ANKUB1: variants seen among roughly 807,000 people sequenced by gnomAD.
ANKUB1 encodes the protein ankyrin repeat and ubiquitin domain containing 1.
In ANKUB1, 42 loss-of-function variants were observed where a neutral mutation model predicts 49.3. That is an observed-to-expected ratio of 0.85 (90% CI 0.67 to 1.10). The LOEUF (loss-of-function observed/expected upper bound fraction) is 1.10. ANKUB1 is among the 50% of genes least tolerant of loss of function. The probability of loss-of-function intolerance (pLI) is 0.00; values close to 1 mark genes in which losing one functional copy is unlikely to be tolerated. For missense variants in ANKUB1, 613 were observed against 642.0 expected (o/e 0.95, Z 0.49); for synonymous variants, 222 against 231.0 (o/e 0.96, Z 0.35).
intron 2 of ANKUB1, among the ~76,000 whole-genome samples, chr3:149,782,091 A>G (rs1717894908): frequency 6.6e-6 from 1 of 152,212 alleles, no homozygotes; most frequent in Non-Finnish European, 1.5e-5. Context: ...GATAGTGGGA[A>G]AGAGAGAAAA....
chr3:149,784,489 A>G (rs922017716), intron 2 of ANKUB1, among the ~76,000 whole-genome samples: 19 of 152,300 alleles, frequency 1.2e-4, no homozygotes, highest in African/African-American at 4.3e-4. Context: ...GCCTGGCAGC[A>G]GGGCTGGCAG....
intron 5 of ANKUB1, chr3:149,766,834 G>T (rs1481438469): frequency 1.3e-6 from 1 of 743,896 alleles, no homozygotes; most frequent in African/African-American, 3.2e-5. Flanking sequence ...AGCAGCAGCA[G>T]CAGCAGCAGC....
intron 5 of ANKUB1, among the ~76,000 whole-genome samples, chr3:149,762,896 A>G (rs767915266): frequency 6.6e-6 from 1 of 152,102 alleles, no homozygotes; most frequent in Non-Finnish European, 1.5e-5. Context: ...TGAAAATTCA[A>G]TTTCTTGCTT....
At position 149,780,326 on chromosome 3, in the gene ANKUB1, G is replaced by A; in HGVS notation, c.364C>T (p.Leu122Phe). ...CGGAGACAGTAGACACTCACGGGGA[G>A]GCCACATCTCAGAGTTACCAGTGTT... ...LRTLVTLRCG[L>F]PVSVYCLRTP... The change falls in exon 3 of 6, where the codon CTC becomes TTC. Residue 122 changes from leucine (L) to phenylalanine (F), a missense_variant. Coordinates refer to ENST00000446160, the MANE Select transcript of ANKUB1 (RefSeq NM_001144960.3). 7 of 1,551,806 alleles carry A rather than the reference G, an allele frequency of 4.5e-6. No homozygotes were observed. The highest frequency in any genetic ancestry group is 6.1e-6 in the Non-Finnish European group (7 of 1,147,012).
intron 3 of ANKUB1, among the ~76,000 whole-genome samples, chr3:149,778,075 C>G (rs1553743290): frequency 6.6e-6 from 1 of 152,154 alleles, no homozygotes; most frequent in Non-Finnish European, 1.5e-5. Flanking sequence ...ATCAAGGACT[C>G]TTTTTACCTT....
At chr3:149,774,030 G>A (rs1408714331) in intron 3 of ANKUB1, among the ~76,000 whole-genome samples, 2 of 152,158 alleles carry the variant, frequency 1.3e-5, no homozygotes, top group African/African-American at 4.8e-5. Context: ...GTAACTCAGA[G>A]GGTTGGTAGG....
At chr3:149,770,104 T>C (rs950749582) in intron 4 of ANKUB1, among the ~76,000 whole-genome samples, 23 of 152,230 alleles carry the variant, frequency 1.5e-4, no homozygotes, top group African/African-American at 5.3e-4. Context: ...CCTTATGATT[T>C]TCTTAATATT....
At chr3:149,774,419 C>T (rs1240395447) in intron 3 of ANKUB1, among the ~76,000 whole-genome samples, 1 of 152,194 alleles carries the variant, frequency 6.6e-6, no homozygotes, top group East Asian at 1.9e-4. Flanking sequence ...TATTCCAGGC[C>T]TTCCACCAGA....
chr3:149,767,042 A>G, intron 5 of ANKUB1, 115 bp downstream of exon 5: 1 of 1,117,468 alleles, frequency 8.9e-7, no homozygotes, highest in Non-Finnish European at 1.3e-6. Context: ...GTATTGATGC[A>G]CTGGAACAAC....
Position 149,767,533 on chromosome 3 carries a change from G to T in ANKUB1, c.1129C>A (p.Leu377Ile), listed in dbSNP as rs1473625392. The change falls in exon 5 of 6, where the codon CTA becomes ATA. Residue 377 changes from leucine (L) to isoleucine (I), a missense_variant. By Grantham distance (5) the Leu-to-Ile change is conservative (BLOSUM62 2). Transcript: ENST00000446160. Reference protein sequence around the residue: ...NSDSQSIVLKLPSLSKQTASS... With the variant: ...NSDSQSIVLKIPSLSKQTASS... ...GCAGTTTGTTTGCTGAGAGATGGTA[G>T]CTTGAGCACGATGCTTTGTGAGTCG... The T allele has an allele frequency of 6.4e-7, 1 of 1,551,662 alleles. No homozygotes were observed. The highest frequency in any genetic ancestry group is 2.0e-5 in the Admixed American group (1 of 51,002).
chr3:149,779,137 T>A (rs1317421393), intron 3 of ANKUB1: 2 of 152,138 alleles, frequency 1.3e-5, no homozygotes, highest in African/African-American at 4.8e-5. Flanking sequence ...GTTTGTCTTA[T>A]TGATGTTTGG....
chr3:149,766,870 G>A (rs974138266), intron 5 of ANKUB1: 1 of 1,125,332 alleles, frequency 8.9e-7, no homozygotes, highest in African/African-American at 1.9e-5. Context: ...AGCAGCAGCA[G>A]CAGCAGCAGC....
At position 149,767,870 on chromosome 3, in the gene ANKUB1, C is replaced by T. The variant is rs1479963454; in HGVS notation, c.792G>A (p.Val264=). 7 of 1,551,592 alleles carry T rather than the reference C, an allele frequency of 4.5e-6. No homozygotes were observed. The highest frequency in any genetic ancestry group is 6.1e-6 in the Non-Finnish European group (7 of 1,147,004). Reference sequence around the variant, plus strand: ...CTGCATTTTTGCATTCCAGGCACAGCACACTGTAGTTGACAAAGGCCTTCA... The same window carrying T: ...CTGCATTTTTGCATTCCAGGCACAGTACACTGTAGTTGACAAAGGCCTTCA... The part of the protein sequence containing the change: ...LILKAFVNYS[V]LCLECKNAAG... Residue 264 remains valine, a synonymous_variant, in exon 5 of 6, where the codon GTG becomes GTA. Coordinates refer to ENST00000446160, the MANE Select transcript of ANKUB1 (RefSeq NM_001144960.3).
intron 5 of ANKUB1, among the ~76,000 whole-genome samples, chr3:149,765,467 C>A (rs1217341677): frequency 1.3e-5 from 2 of 152,024 alleles, no homozygotes; most frequent in Non-Finnish European, 2.9e-5. Context: ...TATTTCATAA[C>A]TCATTTCCTC....
At chr3:149,780,521 G>T (rs1035968485) in intron 2 of ANKUB1, 66 bp from the exon 3 acceptor site, 50 of 1,282,762 alleles carry the variant, frequency 3.9e-5, no homozygotes, top group Non-Finnish European at 4.8e-5. Flanking sequence ...GCATTTCAGA[G>T]GGTAGCTTTG....
chr3:149,779,280 C>A (rs1360951087), intron 3 of ANKUB1: 3 of 151,134 alleles, frequency 2.0e-5, no homozygotes, highest in African/African-American at 7.3e-5. Flanking sequence ...CCCAAGTGAT[C>A]CTCCTACCTC....
At chr3:149,774,904 T>C (rs1717526246) in intron 3 of ANKUB1, among the ~76,000 whole-genome samples, 1 of 152,192 alleles carries the variant, frequency 6.6e-6, no homozygotes, top group Non-Finnish European at 1.5e-5. Context: ...AAAAACGCTA[T>C]ATTGCTCCAG....
intron 2 of ANKUB1, among the ~76,000 whole-genome samples, chr3:149,784,775 G>C (rs1718021712): frequency 6.6e-6 from 1 of 152,160 alleles, no homozygotes; most frequent in Non-Finnish European, 1.5e-5. Context: ...AGAGAAAAAT[G>C]GGATATGCCA....
Position 149,761,529 on chromosome 3 carries a change from T to C in ANKUB1, c.1590A>G (p.Arg530=). The change falls in exon 6 of 6, where the codon CGA becomes CGG. Residue 530 remains arginine (R), a synonymous_variant. Coordinates refer to ENST00000446160, the MANE Select transcript of ANKUB1 (RefSeq NM_001144960.3). ...AGTTTTCACACGCTGTCAGACCTCC[T>C]CGGGTAGTCAAGTTAGAAATGCTCT... ...AKKSISNLTT[R]GGLTACENSL... 1.3e-6 allele frequency: 2 copies of C among 1,551,464 alleles called. No homozygotes were observed. Among genetic ancestry groups the C allele is most frequent in the Non-Finnish European group, 1.7e-6 (2 of 1,146,818 alleles).
Sources: gnomAD v4.1 joint callset for allele counts (sites outside exome capture counted in the v4.1 genomes callset) on GRCh38, gnomAD v4.1.1 for gene constraint, MANE v1.5 for transcripts, NCBI Gene and HGNC (gene_info 2026-07-23, HGNC 2026-07-21) for gene names.